TAS1R3: variants seen among roughly 807,000 people sequenced by gnomAD.
The protein encoded by TAS1R3 is taste 1 receptor member 3, also known as taste receptor type 1 member 3.
Under a neutral mutation model 46.1 loss-of-function variants are expected in TAS1R3, and 58 were observed. That is an observed-to-expected ratio of 1.26 (90% CI 1.02 to 1.57). The LOEUF is 1.57. Among genes scored for constraint, TAS1R3 ranks in the 40% most tolerant of loss-of-function variants. TAS1R3 has a pLI of 0.00. For missense variants in TAS1R3, 1,422 were observed against 1,185.8 expected (o/e 1.20, Z -2.93); for synonymous variants, 724 against 544.7 (o/e 1.33, Z -4.58).
In TAS1R3 at chr1:1,332,776, C is replaced by T. The variant is rs761662561; in HGVS notation, c.1245C>T (p.Cys415=). The T allele has an allele frequency of 8.1e-6, 13 of 1,605,964 alleles. No homozygotes were observed. The highest frequency in any genetic ancestry group is 1.3e-5 in the African/African-American group (1 of 74,920). ...CTCTTCAGTGCAACGCCTCAGGCTG[C>T]CCCGCGCAGGACCCCGTGAAGCCCT... is the stretch of plus-strand genomic sequence containing the variant. ...HNTLQCNASG[C]PAQDPVKPWQ... is the part of the protein sequence containing the mutation. Residue 415 remains cysteine, a synonymous_variant, in exon 3 of 6, where the codon TGC becomes TGT. Transcript: ENST00000339381.
chr1:1,332,306 G>A lies in TAS1R3; in HGVS notation c.775G>A (p.Val259Ile), dbSNP rs376196421. ...CTCGCGGCTGGGGAAGGTGCAGGAC[G>A]TCCTGCACCAGGTGAACCAGAGCAG... Reference protein sequence around the residue: ...DDSRLGKVQDVLHQVNQSSVQ... With the variant: ...DDSRLGKVQDILHQVNQSSVQ... Residue 259 changes from valine (V) to isoleucine (I), a missense_variant, in exon 3 of 6, where the codon GTC (valine) becomes ATC (isoleucine). By Grantham distance (29) the Val-to-Ile change is conservative. Coordinates refer to ENST00000339381, the MANE Select transcript of TAS1R3 (RefSeq NM_152228.3). The A allele has an allele frequency of 2.2e-5, 36 of 1,606,088 alleles. No individual in the cohort carries two copies. The highest frequency in any genetic ancestry group is 5.0e-5 in the Admixed American group (3 of 59,582).
rs1374048300 is a variant in TAS1R3, at chr1:1,333,715, G to A, written c.1810G>A (p.Gly604Arg). 3.7e-6 allele frequency: 6 copies of A among 1,609,176 alleles called. No individual in the cohort carries two copies. The highest frequency in any genetic ancestry group is 5.1e-6 in the Non-Finnish European group (6 of 1,178,932). ...RDSPLVQASG[G>R]PLACFGLVCL... ...CAGCCCACTGGTTCAGGCCTCGGGG[G>A]GGCCCCTGGCCTGCTTTGGCCTGGT... is the stretch of plus-strand genomic sequence containing the variant. The change falls in exon 6 of 6, where the codon GGG becomes AGG. Residue 604 changes from glycine (G) to arginine (R), a missense_variant. Coordinates refer to ENST00000339381, the MANE Select transcript of TAS1R3 (RefSeq NM_152228.3).
In TAS1R3 at chr1:1,332,285, C is replaced by T. The variant is rs530259441; in HGVS notation, c.754C>T (p.Arg252Trp). The T allele has an allele frequency of 1.7e-5, 28 of 1,604,448 alleles. No individual in the cohort carries two copies. Among genetic ancestry groups the T allele is most frequent in the East Asian group, 2.2e-5 (1 of 44,766 alleles). Reference sequence around the variant, plus strand: ...GCCGCTGCCCCGTGCCGATGACTCGCGGCTGGGGAAGGTGCAGGACGTCCT... The same window carrying T: ...GCCGCTGCCCCGTGCCGATGACTCGTGGCTGGGGAAGGTGCAGGACGTCCT... ...LVPLPRADDS[R>W]LGKVQDVLHQ... The change falls in exon 3 of 6, where the codon CGG (arginine) becomes TGG (tryptophan). Residue 252 changes from arginine to tryptophan, a missense_variant. Transcript: ENST00000339381.
Position 1,331,938 on chromosome 1 carries a change from G to A in TAS1R3, c.492G>A (p.Gln164=). ...GKFFSFFLMP[Q]VSYGASMELL... ...TCTTCAGCTTCTTCCTCATGCCCCAGGTGGGCGCCCCCCACCATCACCCAC... is the reference window on the plus strand; with the variant it reads ...TCTTCAGCTTCTTCCTCATGCCCCAAGTGGGCGCCCCCCACCATCACCCAC... Residue 164 remains glutamine (Q), a splice_region_variant and synonymous_variant, in exon 2 of 6, where the codon CAG becomes CAA. Coordinates refer to ENST00000339381, the MANE Select transcript of TAS1R3 (RefSeq NM_152228.3). The A allele has an allele frequency of 6.2e-7, 1 of 1,603,034 alleles. No individual in the cohort carries two copies. Among genetic ancestry groups the A allele is most frequent in the Non-Finnish European group, 8.5e-7 (1 of 1,178,024 alleles).
chr1:1,333,171 G>C (rs369035252), intron 4 of TAS1R3, 47 bp downstream of exon 4: 64 of 1,595,742 alleles, frequency 4.0e-5, no homozygotes, highest in Non-Finnish European at 5.1e-5. Flanking sequence ...TAGCCCCCGC[G>C]GCAGGGCGCA....
rs531478672 is a variant in TAS1R3 at position 1,333,027 on chromosome 1, G to T, written c.1382G>T (p.Trp461Leu). Residue 461 changes from tryptophan to leucine, a missense_variant, in exon 4 of 6, where the codon TGG becomes TTG. Physicochemically the swap from Trp to Leu is moderately conservative, Grantham distance 61. Transcript: ENST00000339381. ...DMEYDLKLWV[W>L]QGSVPRLHDV... ...GAGTACGACCTGAAGCTGTGGGTGTGGCAGGGCTCAGTGCCCAGGCTCCAC... is the reference window on the plus strand; with the variant it reads ...GAGTACGACCTGAAGCTGTGGGTGTTGCAGGGCTCAGTGCCCAGGCTCCAC... 6.8e-6 allele frequency: 11 copies of T among 1,612,772 alleles called. No individual in the cohort carries two copies. In the South Asian group the frequency reaches 8.8e-5, roughly 13 times the overall value.
rs529036184 is a variant in TAS1R3, at chr1:1,334,160, G to A, written c.2255G>A (p.Arg752Gln). The A allele has an allele frequency of 1.4e-4, 223 of 1,586,762 alleles. 1 individual carries two copies. The highest frequency in any genetic ancestry group is 4.8e-4 in the Admixed American group (27 of 55,726). Residue 752 changes from arginine (R) to glutamine (Q), a missense_variant, in exon 6 of 6, where the codon CGG (arginine) becomes CAG (glutamine). Transcript: ENST00000339381. ...FLCFLGTFLV[R>Q]SQPGCYNRAR... ...TGCTTCCTGGGCACTTTCCTGGTGCGGAGCCAGCCGGGCTGCTACAACCGT... is the reference window on the plus strand; with the variant it reads ...TGCTTCCTGGGCACTTTCCTGGTGCAGAGCCAGCCGGGCTGCTACAACCGT...
Position 1,332,225 on chromosome 1 carries a change from GC to G in TAS1R3, c.695del (p.Ala232AspfsTer32), listed in dbSNP as rs767690237. The part of the protein sequence containing the change: ...GLSIFSALAA[A>X]RGICIAHEGL... The stretch of plus-strand genomic sequence containing the variant: ...GAGCATCTTCTCGGCCCTGGCCGCG[GC>G]ACGCGGCATCTGCATCGCGCACGAG... On this transcript the variant is annotated frameshift_variant, in exon 3 of 6. Transcript: ENST00000339381. LOFTEE classifies it high-confidence loss of function. 8.2e-6 allele frequency: 13 copies of G among 1,592,486 alleles called. No homozygotes were observed. The African/African-American group carries it at 1.5e-4, about 18-fold the overall frequency.
At position 1,332,917 on chromosome 1, in the gene TAS1R3, G is replaced by A. The variant is rs752230143; in HGVS notation, c.1276-4G>A. ...GGCGGCTCAGCCCCGTCCCCCGCCCGCAGCTCCTGGAGAACATGTACAACC... is the reference window on the plus strand; with the variant it reads ...GGCGGCTCAGCCCCGTCCCCCGCCCACAGCTCCTGGAGAACATGTACAACC... On this transcript the variant is annotated splice_region_variant and splice_polypyrimidine_tract_variant and intron_variant, in intron 3 of 5. Coordinates refer to ENST00000339381, the MANE Select transcript of TAS1R3 (RefSeq NM_152228.3). The A allele has an allele frequency of 1.7e-5, 27 of 1,602,428 alleles. No homozygotes were observed. Among genetic ancestry groups the A allele is most frequent in the Admixed American group, 1.2e-4 (7 of 59,612 alleles).
rs375190735 is a variant in TAS1R3 at position 1,332,572 on chromosome 1, C to T, written c.1041C>T (p.Asp347=). ...AGACGCACCTGGCCCTGGCCACCGA[C>T]CCGGCCTTCTGCTCTGCCCTGGGCG... ...YVKTHLALAT[D]PAFCSALGER... is the part of the protein sequence containing the mutation. Residue 347 remains aspartate, a synonymous_variant, in exon 3 of 6, where the codon GAC becomes GAT. Coordinates refer to ENST00000339381, the MANE Select transcript of TAS1R3 (RefSeq NM_152228.3). The T allele has an allele frequency of 2.5e-6, 4 of 1,611,576 alleles. No individual in the cohort carries two copies. The highest frequency in any genetic ancestry group is 1.6e-4 in the Middle Eastern group (1 of 6,084).
At position 1,331,664 on chromosome 1, in the gene TAS1R3, C is replaced by T. The variant is rs773717501; in HGVS notation, c.218C>T (p.Ala73Val). The change falls in exon 2 of 6, where the codon GCA (alanine) becomes GTA (valine). Residue 73 changes from alanine (A) to valine (V), a missense_variant. Coordinates refer to ENST00000339381, the MANE Select transcript of TAS1R3 (RefSeq NM_152228.3). ...TRFSSNGLLWALAMKMAVEEI... is the reference protein window; with the variant it reads ...TRFSSNGLLWVLAMKMAVEEI... ...TTCTCCTCAAACGGCCTGCTCTGGG[C>T]ACTGGCCATGAAAATGGCCGTGGAG... 3 of 1,612,432 alleles carry T rather than the reference C, an allele frequency of 1.9e-6. No homozygotes were observed. Among genetic ancestry groups the T allele is most frequent in the East Asian group, 2.2e-5 (1 of 44,888 alleles).
chr1:1,333,086 G>C lies in TAS1R3; in HGVS notation c.1441G>C (p.Glu481Gln). 5 of 1,612,530 alleles carry C rather than the reference G, an allele frequency of 3.1e-6. No individual in the cohort carries two copies. The highest frequency in any genetic ancestry group is 4.2e-6 in the Non-Finnish European group (5 of 1,179,856). Reference sequence around the variant, plus strand: ...CAGGTTCAACGGCAGCCTCAGGACAGAGCGCCTGAAGATCCGCTGGCACAC... The same window carrying C: ...CAGGTTCAACGGCAGCCTCAGGACACAGCGCCTGAAGATCCGCTGGCACAC... ...VGRFNGSLRT[E>Q]RLKIRWHTSD... The change falls in exon 4 of 6, where the codon GAG (glutamate) becomes CAG (glutamine). Residue 481 changes from glutamate to glutamine, a missense_variant. Physicochemically the swap from Glu to Gln is conservative, Grantham distance 29. Coordinates refer to ENST00000339381, the MANE Select transcript of TAS1R3 (RefSeq NM_152228.3).
At position 1,333,093 on chromosome 1, in the gene TAS1R3, T is replaced by C. The variant is rs1165053594; in HGVS notation, c.1448T>C (p.Leu483Pro). 2 of 1,612,246 alleles carry C rather than the reference T, an allele frequency of 1.2e-6. No individual in the cohort carries two copies. The highest frequency in any genetic ancestry group is 1.7e-6 in the Non-Finnish European group (2 of 1,179,710). ...RFNGSLRTER[L>P]KIRWHTSDNQ... ...AACGGCAGCCTCAGGACAGAGCGCCTGAAGATCCGCTGGCACACGTCTGAC... is the reference window on the plus strand; with the variant it reads ...AACGGCAGCCTCAGGACAGAGCGCCCGAAGATCCGCTGGCACACGTCTGAC... The change falls in exon 4 of 6, where the codon CTG becomes CCG. Residue 483 changes from leucine to proline, a missense_variant. Physicochemically the swap from Leu to Pro is moderately conservative, Grantham distance 98. Transcript: ENST00000339381.
chr1:1,333,478 C>T (rs1311535168), intron 5 of TAS1R3, 28 bp from the exon 6 acceptor site: 1 of 1,599,222 alleles, frequency 6.3e-7, no homozygotes, highest in Non-Finnish European at 8.5e-7. Flanking sequence ...ACAAGACGAA[C>T]ACCCAGCGCC....
In TAS1R3 at chr1:1,332,766, C is replaced by T. The variant is rs1343313506; in HGVS notation, c.1235C>T (p.Ala412Val). 2 of 1,606,022 alleles carry T rather than the reference C, an allele frequency of 1.2e-6. No individual in the cohort carries two copies. The highest frequency in any genetic ancestry group is 2.7e-5 in the African/African-American group (2 of 74,922). ...CTGCACAACACTCTTCAGTGCAACG[C>T]CTCAGGCTGCCCCGCGCAGGACCCC... The part of the protein sequence containing the change: ...QALHNTLQCN[A>V]SGCPAQDPVK... Residue 412 changes from alanine to valine, a missense_variant, in exon 3 of 6, where the codon GCC (alanine) becomes GTC (valine). Transcript: ENST00000339381.
At position 1,332,375 on chromosome 1, in the gene TAS1R3, G is replaced by A. The variant is rs200904203; in HGVS notation, c.844G>A (p.Ala282Thr). ...GTTCGCCTCCGTGCACGCCGCCCAC[G>A]CCCTCTTCAACTACAGCATCAGCAG... Reference protein sequence around the residue: ...LLFASVHAAHALFNYSISSRL... With the variant: ...LLFASVHAAHTLFNYSISSRL... Residue 282 changes from alanine (A) to threonine (T), a missense_variant, in exon 3 of 6, where the codon GCC (alanine) becomes ACC (threonine). Coordinates refer to ENST00000339381, the MANE Select transcript of TAS1R3 (RefSeq NM_152228.3). 49 of 1,597,990 alleles carry A rather than the reference G, an allele frequency of 3.1e-5. No individual in the cohort carries two copies. The highest frequency in any genetic ancestry group is 1.9e-4 in the Admixed American group (11 of 57,864).
chr1:1,334,125 G>A lies in TAS1R3; in HGVS notation c.2220G>A (p.Leu740=). The change falls in exon 6 of 6, where the codon CTG becomes CTA. Residue 740 remains leucine (L), a synonymous_variant. Coordinates refer to ENST00000339381, the MANE Select transcript of TAS1R3 (RefSeq NM_152228.3). ...TAGCGCACGCCACCAATGCCACGCTGGCCTTTCTCTGCTTCCTGGGCACTT... is the reference window on the plus strand; with the variant it reads ...TAGCGCACGCCACCAATGCCACGCTAGCCTTTCTCTGCTTCCTGGGCACTT... The part of the protein sequence containing the change: ...FGLAHATNAT[L]AFLCFLGTFL... The A allele has an allele frequency of 1.9e-6, 3 of 1,581,516 alleles. No homozygotes were observed. The highest frequency in any genetic ancestry group is 1.7e-4 in the Middle Eastern group (1 of 6,020).
chr1:1,332,745 A>C lies in TAS1R3; in HGVS notation c.1214A>C (p.His405Pro). 1 of 1,605,324 alleles carries C rather than the reference A, an allele frequency of 6.2e-7. No homozygotes were observed. ...AAVYSVAQAL[H>P]NTLQCNASGC... ...GTGTATAGCGTGGCCCAGGCCCTGC[A>C]CAACACTCTTCAGTGCAACGCCTCA... Residue 405 changes from histidine (H) to proline (P), a missense_variant, in exon 3 of 6, where the codon CAC becomes CCC. Physicochemically the swap from His to Pro is moderately conservative, Grantham distance 77. Transcript: ENST00000339381.
At position 1,333,952 on chromosome 1, in the gene TAS1R3, CTGG is replaced by C; in HGVS notation, c.2053_2055del (p.Val685del). ...CTGCCTGCGGGGGCCCTGGGCCTGG[CTGG>C]TGGTGCTGCTGGCCATGCTGGTGGA... is the stretch of plus-strand genomic sequence containing the variant. On this transcript the variant is annotated inframe_deletion, in exon 6 of 6. Transcript: ENST00000339381. 6.2e-7 allele frequency: 1 copy of C among 1,601,092 alleles called. No homozygotes were observed. The highest frequency in any genetic ancestry group is 8.5e-7 in the Non-Finnish European group (1 of 1,179,758).
Sources: gnomAD v4.1 joint callset for allele counts on GRCh38, gnomAD v4.1.1 for gene constraint, MANE v1.5 for transcripts, NCBI Gene and HGNC (gene_info 2026-07-23, HGNC 2026-07-21) for gene names.